ATP13A4: variants seen among roughly 807,000 people sequenced by gnomAD.
The protein encoded by ATP13A4 is ATPase 13A4.
In ATP13A4, 114 loss-of-function variants were observed where a neutral mutation model predicts 142.5. The ratio of observed to expected loss-of-function variants is 0.80; its 90% confidence interval spans 0.69 to 0.93. The LOEUF (loss-of-function observed/expected upper bound fraction) is 0.93, where lower values mean the gene tolerates loss of function less well. ATP13A4 is among the 40% of genes least tolerant of loss of function. The pLI, the probability that ATP13A4 is intolerant of heterozygous loss-of-function variation, is 0.00. For missense variants in ATP13A4, 1,392 were observed against 1,454.0 expected, an observed-to-expected ratio of 0.96 and a Z score of 0.69; for synonymous variants, 488 against 514.8, an observed-to-expected ratio of 0.95 and a Z score of 0.70.
chr3:193,448,665 C>T (rs1717098280), intron 17 of ATP13A4, among the ~76,000 whole-genome samples: 1 of 152,052 alleles, frequency 6.6e-6, no homozygotes, highest in Non-Finnish European at 1.5e-5. Flanking sequence ...GGAAGTAAAA[C>T]AAAAAGAAAA....
intron 25 of ATP13A4, among the ~76,000 whole-genome samples, chr3:193,428,324 C>A (rs1345950111): frequency 1.3e-5 from 2 of 151,948 alleles, no homozygotes; most frequent in African/African-American, 4.8e-5. Flanking sequence ...GAAACAGGAA[C>A]ACTTTTACAC....
intron 25 of ATP13A4, among the ~76,000 whole-genome samples, chr3:193,418,630 A>G (rs1171791004): frequency 6.7e-6 from 1 of 149,726 alleles, no homozygotes; most frequent in Non-Finnish European, 1.5e-5. Flanking sequence ...AAGGTAAGCA[A>G]GAGGACCCCA....
chr3:193,487,019 C>A (rs1719668806), intron 7 of ATP13A4, among the ~76,000 whole-genome samples: 1 of 152,076 alleles, frequency 6.6e-6, no homozygotes, highest in South Asian at 2.1e-4. Flanking sequence ...AAAATGGAGC[C>A]TTTACATTAA....
At chr3:193,493,510 CAT>C (rs1720057682) in intron 3 of ATP13A4, among the ~76,000 whole-genome samples, 1 of 151,814 alleles carries the variant, frequency 6.6e-6, no homozygotes, top group Non-Finnish European at 1.5e-5. Context: ...AACATAATAA[CAT>C]AAAAAATACG....
At chr3:193,514,657 C>A in intron 2 of ATP13A4, 41 bp downstream of exon 2, 3 of 1,593,608 alleles carry the variant, frequency 1.9e-6, no homozygotes, top group Non-Finnish European at 2.6e-6. Context: ...TGTCCAGAAA[C>A]AAAAGGGGGG....
chr3:193,494,925 A>G (rs1720142557), intron 3 of ATP13A4, among the ~76,000 whole-genome samples: 2 of 152,072 alleles, frequency 1.3e-5, no homozygotes, highest in South Asian at 2.1e-4. Flanking sequence ...GACATTACGA[A>G]TGATAACAAA....
intron 19 of ATP13A4, 44 bp from the exon 20 acceptor site, chr3:193,441,632 GAGTGGTTAGAACCATA>G: frequency 6.2e-7 from 1 of 1,602,720 alleles, no homozygotes; most frequent in Non-Finnish European, 8.5e-7. Context: ...TCATTTGACA[GAGTGGTTAGAACCATA>G]AGCATATCTG....
chr3:193,464,846 CTA>C, intron 12 of ATP13A4, 92 bp downstream of exon 12: 3 of 1,349,334 alleles, frequency 2.2e-6, no homozygotes, highest in Non-Finnish European at 3.2e-6. Context: ...CACCCACATT[CTA>C]TGTCTCCTGC....
intron 1 of ATP13A4, among the ~76,000 whole-genome samples, chr3:193,591,342 T>C (rs1047203956): frequency 8.5e-5 from 13 of 152,184 alleles, no homozygotes; most frequent in Admixed American, 2.6e-4. Flanking sequence ...CCAAATGTAG[T>C]GTTATTTTTA....
chr3:193,462,560 T>C (rs1004754430), intron 13 of ATP13A4, among the ~76,000 whole-genome samples: 1 of 152,246 alleles, frequency 6.6e-6, no homozygotes, highest in East Asian at 1.9e-4. Flanking sequence ...GGCATGGGAC[T>C]GGGTTGGGAT....
intron 1 of ATP13A4, among the ~76,000 whole-genome samples, chr3:193,543,529 C>A (rs545249907): frequency 3.0e-4 from 46 of 152,294 alleles, no homozygotes; most frequent in African/African-American, 1.1e-3. Context: ...GCCAAACCAA[C>A]CTCATATAGT....
At chr3:193,412,849 C>T (rs1714844186) in intron 26 of ATP13A4, among the ~76,000 whole-genome samples, 1 of 152,086 alleles carries the variant, frequency 6.6e-6, no homozygotes, top group Non-Finnish European at 1.5e-5. Context: ...TGGTGAAACA[C>T]CATCTCTACT....
At chr3:193,452,126 C>T (rs1180574771) in intron 17 of ATP13A4, among the ~76,000 whole-genome samples, 2 of 152,140 alleles carry the variant, frequency 1.3e-5, no homozygotes, top group Non-Finnish European at 2.9e-5. Context: ...GAGTTTGCAA[C>T]TTGTAATATG....
chr3:193,558,162 C>T (rs1723943250), upstream of ATP13A4, among the ~76,000 whole-genome samples: 1 of 152,238 alleles, frequency 6.6e-6, no homozygotes, highest in Admixed American at 6.5e-5. Flanking sequence ...TCCAAAGCGA[C>T]TCAGTCCTTC....
intron 23 of ATP13A4, among the ~76,000 whole-genome samples, chr3:193,436,909 C>T (rs1298719665): frequency 7.1e-6 from 1 of 141,350 alleles, no homozygotes; most frequent in Non-Finnish European, 1.5e-5. Flanking sequence ...TCGAGACCAT[C>T]CCGGCTAAAA....
chr3:193,423,149 C>A (rs1715487084), intron 25 of ATP13A4, among the ~76,000 whole-genome samples: 1 of 149,564 alleles, frequency 6.7e-6, no homozygotes. Flanking sequence ...ATACAACCTA[C>A]CAAGAATGAA....
chr3:193,515,441 T>C (rs889408417), intron 1 of ATP13A4, among the ~76,000 whole-genome samples: 1 of 152,182 alleles, frequency 6.6e-6, no homozygotes, highest in Admixed American at 6.5e-5. Context: ...GGTGAAAGTA[T>C]TTGACCATAA....
rs564467685 is a variant in ATP13A4 at position 193,568,966 on chromosome 3, G to T, written n.291+12741C>A. On this transcript the variant is annotated intron_variant and non_coding_transcript_variant, in intron 2 of 3. Transcript: ENST00000489140. ...GAAGAGATAAATCTCTCATGCAGAAGAATTCAAACAATTTATGTAGATACT... is the reference window on the plus strand; with the variant it reads ...GAAGAGATAAATCTCTCATGCAGAATAATTCAAACAATTTATGTAGATACT... 3.3e-5 allele frequency among the ~76,000 whole-genome samples: 5 copies of T among 152,324 alleles called. No individual in the cohort carries two copies. In the South Asian group the frequency reaches 1.0e-3, roughly 32 times the overall value.
chr3:193,446,871 C>T lies in ATP13A4; in HGVS notation c.2152+1335G>A, dbSNP rs144178084. 3.2e-3 allele frequency among the ~76,000 whole-genome samples: 491 copies of T among 152,082 alleles called. 5 individuals are homozygous for T. The highest frequency in any genetic ancestry group is 0.011 in the African/African-American group (469 of 41,478). On this transcript the variant is annotated intron_variant, in intron 18 of 29. Transcript: ENST00000342695. ...ACTTGTCATGAGCAATATCAGAAGC[C>T]ACAAGGCAAAGGAATAGCCCCTACA...
Sources: allele counts gnomAD v4.1 joint callset (sites outside exome capture counted in the v4.1 genomes callset), GRCh38; gene constraint gnomAD v4.1.1; transcripts MANE v1.5; gene names NCBI Gene and HGNC (gene_info 2026-07-23, HGNC 2026-07-21).